The following LATS2 variants were observed in gnomAD, a reference collection of about 807,000 sequenced individuals.
The protein encoded by LATS2 is serine/threonine-protein kinase LATS2.
In LATS2, 24 loss-of-function variants were observed where a neutral mutation model predicts 76.0. The ratio of observed to expected loss-of-function variants is 0.32; its 90% confidence interval spans 0.23 to 0.44. The LOEUF is 0.44. Ranked by LOEUF, LATS2 falls within the 20% of genes least tolerant of loss-of-function variation. LATS2 has a pLI of 1.00. For synonymous variants in LATS2, 692 were observed against 635.4 expected (o/e 1.09, Z -1.34); for missense variants, 1,286 against 1,481.2 (o/e 0.87, Z 2.16).
At chr13:20,989,333 T>G in intron 3 of LATS2, 29 bp from the exon 4 acceptor site, 1 of 1,611,896 alleles carries the variant, frequency 6.2e-7, no homozygotes, top group Non-Finnish European at 8.5e-7. Flanking sequence ...GAAGACAGCA[T>G]CAGAGTGGGT....
intron 2 of LATS2, among the ~76,000 whole-genome samples, chr13:21,006,548 G>C (rs1383441833): frequency 6.6e-6 from 1 of 152,216 alleles, no homozygotes; most frequent in Non-Finnish European, 1.5e-5. Flanking sequence ...GATTAAATGT[G>C]ACTCCGGAAG....
At chr13:20,995,202 T>TG (rs1870698737) in intron 2 of LATS2, among the ~76,000 whole-genome samples, 1 of 152,090 alleles carries the variant, frequency 6.6e-6, no homozygotes, top group Non-Finnish European at 1.5e-5. Flanking sequence ...TATGTGTTTC[T>TG]GGGAAAAAAA....
At position 21,019,950 on chromosome 13, in the gene LATS2, C is replaced by T. The variant is rs544351170; in HGVS notation, c.342+25735G>A. ...GATCGTGCCACTGCACCCCAGCCTG[C>T]GTAACAGGAGTGAGACTCCATCTAA... On this transcript the variant is annotated intron_variant, in intron 2 of 7. Transcript: ENST00000382592. Among the ~76,000 whole-genome samples the T allele has an allele frequency of 3.4e-5, 5 of 146,488 alleles. No individual in the cohort carries two copies. In the South Asian group the frequency reaches 6.5e-4, roughly 19 times the overall value.
intron 2 of LATS2, among the ~76,000 whole-genome samples, chr13:21,008,779 G>T (rs764104427): frequency 6.6e-6 from 1 of 152,090 alleles, no homozygotes; most frequent in Non-Finnish European, 1.5e-5. Context: ...AGAATATTTT[G>T]ACCATATCTA....
chr13:21,054,823 G>A (rs929615199), intron 1 of LATS2, among the ~76,000 whole-genome samples: 1 of 152,162 alleles, frequency 6.6e-6, no homozygotes, highest in South Asian at 2.1e-4. Context: ...CAAAAAGGTT[G>A]AGAGGATTAT....
chr13:21,044,647 G>A (rs764332528), intron 2 of LATS2, among the ~76,000 whole-genome samples: 20 of 151,026 alleles, frequency 1.3e-4, no homozygotes, highest in East Asian at 1.9e-4. Flanking sequence ...TCAGGTATAC[G>A]AATTGCTAAG....
chr13:21,007,567 AT>A lies in LATS2; in HGVS notation c.343-16164del, dbSNP rs1382415849. ...ATAGTATATATATATATATATATAT[AT>A]ATATATATATATATATATAGTATAT... On this transcript the variant is annotated intron_variant, in intron 2 of 7. Coordinates refer to ENST00000382592, the MANE Select transcript of LATS2 (RefSeq NM_014572.3). Among the ~76,000 whole-genome samples, 6 of 18,974 alleles carry A rather than the reference AT, an allele frequency of 3.2e-4. 2 individuals are homozygous for A. The highest frequency in any genetic ancestry group is 4.3e-4 in the Non-Finnish European group (6 of 14,092). 12.4% of individuals were successfully genotyped at this position (18,974 alleles called of 152,430 possible). A position where few individuals can be genotyped will look rare whatever the true frequency, so the allele number is the denominator to read the frequency against.
At chr13:20,976,846 T>C (rs958978398) in intron 7 of LATS2, among the ~76,000 whole-genome samples, 3 of 152,098 alleles carry the variant, frequency 2.0e-5, no homozygotes, top group Non-Finnish European at 2.9e-5. Flanking sequence ...TTGGTGGGAA[T>C]GTAAAATGGT....
chr13:21,056,661 C>A (rs965743382), intron 1 of LATS2, among the ~76,000 whole-genome samples: 1 of 152,294 alleles, frequency 6.6e-6, no homozygotes, highest in Non-Finnish European at 1.5e-5. Context: ...GTTTTGGATA[C>A]GCTCCAGCTA....
chr13:20,991,187 G>T lies in LATS2; in HGVS notation c.475+85C>A. The T allele has an allele frequency of 6.5e-7, 1 of 1,534,874 alleles. No homozygotes were observed. Among genetic ancestry groups the T allele is most frequent in the Non-Finnish European group, 8.9e-7 (1 of 1,119,968 alleles). On this transcript the variant is annotated intron_variant, in intron 3 of 7. Coordinates refer to ENST00000382592, the MANE Select transcript of LATS2 (RefSeq NM_014572.3). This position sits in a 1 kb window ranked among gnomAD's most constrained non-coding sequence, Gnocchi z 4.9. The stretch of plus-strand genomic sequence containing the variant: ...AGGAGACTGGCTCTGGCCAGGCCAG[G>T]CCAGGTTGGACCCCTCTGCACGTGG...
chr13:21,049,709 C>T lies in LATS2; in HGVS notation c.-204-3479G>A, dbSNP rs189560765. Among the ~76,000 whole-genome samples the T allele has an allele frequency of 7.8e-3, 1,194 of 152,250 alleles. 10 individuals carry two copies. The highest frequency in any genetic ancestry group is 0.028 in the African/African-American group (1,144 of 41,548). On this transcript the variant is annotated intron_variant, in intron 1 of 7. Coordinates refer to ENST00000382592, the MANE Select transcript of LATS2 (RefSeq NM_014572.3). ...CCATGAGAAAGTTCCATGTTAAAGC[C>T]AGGATGCAGGGATGTCCTCTCCCCC... is the stretch of plus-strand genomic sequence containing the variant.
chr13:21,015,470 A>G (rs988367371), intron 2 of LATS2, among the ~76,000 whole-genome samples: 3 of 152,210 alleles, frequency 2.0e-5, no homozygotes, highest in Non-Finnish European at 4.4e-5. Flanking sequence ...ATAATTATCC[A>G]TACTACACAC....
intron 1 of LATS2, among the ~76,000 whole-genome samples, chr13:21,060,399 C>T (rs1873593979): frequency 6.6e-6 from 1 of 152,216 alleles, no homozygotes; most frequent in Admixed American, 6.5e-5. Context: ...AACTAGGGCA[C>T]GGGAATGGCG....
rs544106383 is a variant in LATS2 at position 21,051,390 on chromosome 13, T to C, written c.-204-5160A>G. The stretch of plus-strand genomic sequence containing the variant: ...ATAGGGTATGTGTCACAATGAAAGT[T>C]TGCCCAAAGAATTATGGGGATCTGA... On this transcript the variant is annotated intron_variant, in intron 1 of 7. Coordinates refer to ENST00000382592, the MANE Select transcript of LATS2 (RefSeq NM_014572.3). 3.9e-5 allele frequency among the ~76,000 whole-genome samples: 6 copies of C among 152,276 alleles called. No individual in the cohort carries two copies. In the South Asian group the frequency reaches 1.2e-3, roughly 32 times the overall value.
intron 2 of LATS2, among the ~76,000 whole-genome samples, chr13:21,039,938 T>C (rs1208623679): frequency 6.6e-6 from 1 of 152,122 alleles, no homozygotes; most frequent in Non-Finnish European, 1.5e-5. Flanking sequence ...CTGGGCGTGG[T>C]GGCGCATGCC....
At chr13:21,055,976 C>T (rs529286441) in intron 1 of LATS2, among the ~76,000 whole-genome samples, 16 of 152,308 alleles carry the variant, frequency 1.1e-4, no homozygotes, top group African/African-American at 3.6e-4. Flanking sequence ...TTGAGGAAGG[C>T]AGTGATTGCA....
chr13:21,008,628 G>GA, intron 2 of LATS2, among the ~76,000 whole-genome samples: 1 of 152,204 alleles, frequency 6.6e-6, no homozygotes, highest in East Asian at 1.9e-4. Context: ...GAACTTCACT[G>GA]AAAAAATAAG....
chr13:20,989,397 C>G, intron 3 of LATS2, 93 bp from the exon 4 acceptor site: 1 of 1,361,850 alleles, frequency 7.3e-7, no homozygotes, highest in Non-Finnish European at 1.0e-6. Context: ...GCGCTGCCCT[C>G]GGGGCTGAGG....
intron 2 of LATS2, among the ~76,000 whole-genome samples, chr13:20,992,844 G>A (rs1870565519): frequency 6.6e-6 from 1 of 152,050 alleles, no homozygotes; most frequent in East Asian, 1.9e-4. Context: ...AGACCATCCT[G>A]GCCAACATGG....
Sources: gnomAD v4.1 joint callset for allele counts (sites outside exome capture counted in the v4.1 genomes callset) on GRCh38, gnomAD v4.1.1 for gene constraint, Gnocchi (gnomAD v3.1) non-coding constraint, MANE v1.5 for transcripts, NCBI Gene and HGNC (gene_info 2026-07-23, HGNC 2026-07-21) for gene names.